Variants in NELL2 observed in about 807,000 individuals in gnomAD.
NELL2 encodes the protein protein kinase C-binding protein NELL2.
A neutral mutation model predicts 109.6 loss-of-function variants in NELL2; 41 were observed. The observed-to-expected ratio is 0.37, with a 90% CI of 0.29 to 0.49. The LOEUF (loss-of-function observed/expected upper bound fraction) is 0.49, where lower values mean the gene tolerates loss of function less well. NELL2 is among the 20% of genes least tolerant of loss of function. The pLI, the probability that NELL2 is intolerant of heterozygous loss-of-function variation, is 0.98. For missense variants in NELL2, 900 were observed against 1,008.3 expected (o/e 0.89, Z 1.45); for synonymous variants, 355 against 344.7 (o/e 1.03, Z -0.33).
At chr12:44,655,129 T>A (rs1453943766) in intron 13 of NELL2, among the ~76,000 whole-genome samples, 1 of 152,066 alleles carries the variant, frequency 6.6e-6, no homozygotes, top group African/African-American at 2.4e-5. Flanking sequence ...AACTAATACA[T>A]CCACCTGGGA....
intron 8 of NELL2, 98 bp downstream of exon 8, chr12:44,775,924 A>C: frequency 7.2e-7 from 1 of 1,393,488 alleles, no homozygotes; most frequent in Non-Finnish European, 9.7e-7. Context: ...TCTTGAGGAA[A>C]TGGGTCTTGA....
intron 1 of NELL2, among the ~76,000 whole-genome samples, chr12:44,904,697 G>A (rs576823135): frequency 1.3e-4 from 20 of 152,020 alleles, no homozygotes; most frequent in Admixed American, 3.3e-4. Context: ...ACTAATATGG[G>A]CTCCTAAAAT....
At chr12:44,905,205 A>T (rs1005926629) in intron 1 of NELL2, among the ~76,000 whole-genome samples, 1 of 152,112 alleles carries the variant, frequency 6.6e-6, no homozygotes, top group East Asian at 1.9e-4. Context: ...CAGATTGGGT[A>T]TCTCAGCCTG....
intron 19 of NELL2, among the ~76,000 whole-genome samples, chr12:44,512,735 A>G (rs1457475727): frequency 6.6e-6 from 1 of 152,086 alleles, no homozygotes; most frequent in Non-Finnish European, 1.5e-5. Flanking sequence ...TACATACTAC[A>G]TGTTCTCTCT....
intron 9 of NELL2, among the ~76,000 whole-genome samples, chr12:44,727,955 A>G (rs1404199443): frequency 6.6e-6 from 1 of 152,026 alleles, no homozygotes; most frequent in Non-Finnish European, 1.5e-5. Context: ...TATTATATAT[A>G]TGGATGAATT....
At position 44,920,078 on chromosome 12, in the gene NELL2, A is replaced by C. The variant is rs566916052; in HGVS notation, c.-32+1712T>G. 2.6e-5 allele frequency among the ~76,000 whole-genome samples: 4 copies of C among 152,350 alleles called. No individual in the cohort carries two copies. The South Asian group carries it at 8.3e-4, about 32-fold the overall frequency. On this transcript the variant is annotated intron_variant, in intron 1 of 9. Coordinates refer to the NELL2 transcript ENST00000552993. ...GGAGAGCTTTTCAAAGGAAAGAGGAATAGTCACAGAGAAAAAAAGAATAAT... is the reference window on the plus strand; with the variant it reads ...GGAGAGCTTTTCAAAGGAAAGAGGACTAGTCACAGAGAAAAAAAGAATAAT...
intron 13 of NELL2, among the ~76,000 whole-genome samples, chr12:44,616,194 C>T (rs1004667275): frequency 1.1e-4 from 16 of 152,082 alleles, no homozygotes; most frequent in Non-Finnish European, 1.5e-5. Context: ...CATAATATAC[C>T]TTCATAGTCA....
intron 12 of NELL2, among the ~76,000 whole-genome samples, chr12:44,695,053 A>C (rs1949018338): frequency 6.9e-6 from 1 of 144,740 alleles, no homozygotes; most frequent in African/African-American, 2.5e-5. Context: ...GAAGAAAGGA[A>C]GGAAGGAAGA....
rs1304643529 is a variant in NELL2, at chr12:44,876,130, G to A, written c.-261C>T. The A allele has an allele frequency of 9.2e-6, 12 of 1,301,148 alleles. No homozygotes were observed. The highest frequency in any genetic ancestry group is 1.1e-5 in the Non-Finnish European group (11 of 1,024,422). 80.6% of individuals were successfully genotyped at this position (1,301,148 alleles called of 1,614,324 possible). A position where few individuals can be genotyped will look rare whatever the true frequency, so the allele number is the denominator to read the frequency against. ...CGGCAGCGCGGCCCGGAGGGGGCCCGGAGGGAGGGGTCGGACTCGCCCCGG... is the reference window on the plus strand; with the variant it reads ...CGGCAGCGCGGCCCGGAGGGGGCCCAGAGGGAGGGGTCGGACTCGCCCCGG... On this transcript the variant is annotated 5_prime_UTR_variant, in exon 1 of 20. Coordinates refer to ENST00000429094, the MANE Select transcript of NELL2 (RefSeq NM_001145108.2).
intron 13 of NELL2, among the ~76,000 whole-genome samples, chr12:44,634,760 A>T (rs1946574309): frequency 6.6e-6 from 1 of 152,174 alleles, no homozygotes; most frequent in South Asian, 2.1e-4. Context: ...TGTCTTCCAC[A>T]ATGGTTAAAC....
At chr12:44,909,202 T>A (rs939740772) in intron 1 of NELL2, among the ~76,000 whole-genome samples, 1 of 151,958 alleles carries the variant, frequency 6.6e-6, no homozygotes, top group Non-Finnish European at 1.5e-5. Context: ...ACCAAAAGGC[T>A]ACTGAAACTG....
Position 44,776,093 on chromosome 12 carries a change from A to C in NELL2, c.820T>G (p.Cys274Gly). 1 of 1,614,088 alleles carries C rather than the reference A, an allele frequency of 6.2e-7. No homozygotes were observed. Among genetic ancestry groups the C allele is most frequent in the Non-Finnish European group, 8.5e-7 (1 of 1,179,986 alleles). The change falls in exon 8 of 20, where the codon TGC becomes GGC. Residue 274 changes from cysteine to glycine, a missense_variant. Physicochemically the swap from Cys to Gly is radical, Grantham distance 159 (BLOSUM62 -3). Around this residue, in one of 4 missense-constraint regions of NELL2, gnomAD observed 292 missense variants for 265.3 expected, o/e 1.10. Transcript: ENST00000429094. ...RLDQCYCERT[C>G]TMKGTTYREF... ...CGGTAGGTGGTTCCCTTCATGGTGC[A>C]AGTCCTTTCACAATAGCACTGATCC...
chr12:44,798,603 A>G (rs896219959), intron 3 of NELL2, among the ~76,000 whole-genome samples: 2 of 152,174 alleles, frequency 1.3e-5, no homozygotes, highest in African/African-American at 4.8e-5. Context: ...ATGAAATTCC[A>G]AACAAAATTT....
intron 9 of NELL2, among the ~76,000 whole-genome samples, chr12:44,736,741 A>T (rs1255047828): frequency 6.6e-6 from 1 of 152,192 alleles, no homozygotes; most frequent in Non-Finnish European, 1.5e-5. Flanking sequence ...ATATTTTACA[A>T]AGAATATTTG....
chr12:44,637,615 TACAA>T (rs1447139439), intron 13 of NELL2, among the ~76,000 whole-genome samples: 1 of 147,900 alleles, frequency 6.8e-6, no homozygotes, highest in African/African-American at 2.5e-5. Context: ...AAAAAATTGT[TACAA>T]ACAGAGGGAA....
At chr12:44,875,615 C>G in intron 1 of NELL2, 200 bp downstream of exon 1, 3 of 1,611,998 alleles carry the variant, frequency 1.9e-6, no homozygotes, top group Non-Finnish European at 1.7e-6. Context: ...CGACCCTGGA[C>G]TAGGGGCGTG....
chr12:44,563,263 T>C (rs1465738779), intron 15 of NELL2, among the ~76,000 whole-genome samples: 1 of 151,888 alleles, frequency 6.6e-6, no homozygotes, highest in Non-Finnish European at 1.5e-5. Context: ...TGTATACCTA[T>C]GTAACAAACC....
At chr12:44,645,622 A>G (rs570786710) in intron 13 of NELL2, among the ~76,000 whole-genome samples, 1 of 152,294 alleles carries the variant, frequency 6.6e-6, no homozygotes, top group African/African-American at 2.4e-5. Context: ...TCCCTTTCAT[A>G]GTTGAGTAAT....
intron 13 of NELL2, among the ~76,000 whole-genome samples, chr12:44,636,877 G>T (rs1946657095): frequency 6.6e-6 from 1 of 151,890 alleles, no homozygotes; most frequent in South Asian, 2.1e-4. Flanking sequence ...GATTCCGTCT[G>T]GTCTGGTGCT....
Sources: gnomAD v4.1 joint callset for allele counts (sites outside exome capture counted in the v4.1 genomes callset) on GRCh38, gnomAD v4.1.1 for gene constraint, gnomAD v4.1.1 regional missense constraint, MANE v1.5 for transcripts, NCBI Gene and HGNC (gene_info 2026-07-23, HGNC 2026-07-21) for gene names.